Variants in CAMTA1 observed in about 807,000 individuals in gnomAD.
CAMTA1 encodes calmodulin-binding transcription activator 1.
CAMTA1 carries 27 observed loss-of-function variants against 170.9 expected under a neutral mutation model. The observed-to-expected ratio is 0.16, with a 90% CI of 0.12 to 0.22. CAMTA1 has a LOEUF of 0.22. Among genes scored for constraint, CAMTA1 ranks in the 10% least tolerant of loss-of-function variants. The pLI, the probability that CAMTA1 is intolerant of heterozygous loss-of-function variation, is 1.00. For synonymous variants in CAMTA1, 833 were observed against 891.5 expected, an observed-to-expected ratio of 0.93 and a Z score of 1.17; for missense variants, 1,619 against 2,217.2, an observed-to-expected ratio of 0.73 and a Z score of 5.42.
intron 6 of CAMTA1, among the ~76,000 whole-genome samples, chr1:7,542,838 A>AGT (rs373719721): frequency 0.065 from 3,630 of 55,976 alleles, 58 homozygotes; most frequent in Middle Eastern, 0.12. Flanking sequence ...CCTAAAACAC[A>AGT]GTGTGTGTGT....
rs1444626061 is a variant in CAMTA1 at position 7,195,031 on chromosome 1, A to G, written c.303-54460A>G. 6.6e-6 allele frequency among the ~76,000 whole-genome samples: 1 copy of G among 152,234 alleles called. No homozygotes were observed. Among genetic ancestry groups the G allele is most frequent in the East Asian group, 1.9e-4 (1 of 5,194 alleles). Reference sequence around the variant, plus strand: ...GGTAAATTGTCAAACTTCTCAGAGTAGGAAGATGTCTGCTGGCTAGGTAGA... The same window carrying G: ...GGTAAATTGTCAAACTTCTCAGAGTGGGAAGATGTCTGCTGGCTAGGTAGA... On this transcript the variant is annotated intron_variant, in intron 4 of 22. Transcript: ENST00000303635. The surrounding 1 kb of genome is among the most constrained non-coding windows in gnomAD (Gnocchi z 4.1).
rs1348547966 is a variant in CAMTA1, at chr1:7,010,232, G to A, written c.235-81072G>A. On this transcript the variant is annotated intron_variant, in intron 3 of 22. Coordinates refer to ENST00000303635, the MANE Select transcript of CAMTA1 (RefSeq NM_015215.4). This position sits in a 1 kb window ranked among gnomAD's most constrained non-coding sequence, Gnocchi z 4.4. ...CAGAGAAGACAGAGGACTTGACTGA[G>A]CTCATGGTCAGGGAGTGTCAGAACG... Among the ~76,000 whole-genome samples, 1 of 152,194 alleles carries A rather than the reference G, an allele frequency of 6.6e-6. No individual in the cohort carries two copies. Among genetic ancestry groups the A allele is most frequent in the Non-Finnish European group, 1.5e-5 (1 of 68,024 alleles).
rs556238314 is a variant in CAMTA1, at chr1:7,273,593, G to A, written c.438+23967G>A. Reference sequence around the variant, plus strand: ...AGGTGTGTGTGTCAGGTAGGGATGAGGGGTGACTGCTAATGAGTATTAGGT... The same window carrying A: ...AGGTGTGTGTGTCAGGTAGGGATGAAGGGTGACTGCTAATGAGTATTAGGT... On this transcript the variant is annotated intron_variant, in intron 5 of 22. Coordinates refer to ENST00000303635, the MANE Select transcript of CAMTA1 (RefSeq NM_015215.4). Among the ~76,000 whole-genome samples, 52 of 152,292 alleles carry A rather than the reference G, an allele frequency of 3.4e-4. 1 individual carries two copies. Among genetic ancestry groups the A allele is most frequent in the Admixed American group, 3.3e-3 (50 of 15,294 alleles).
chr1:7,757,594 G>A (rs934650652), intron 22 of CAMTA1, among the ~76,000 whole-genome samples: 12 of 151,926 alleles, frequency 7.9e-5, no homozygotes, highest in Admixed American at 2.0e-4. Flanking sequence ...TGGTCAAACC[G>A]TGTCTCTACT....
chr1:6,977,366 T>C (rs1344588077), intron 3 of CAMTA1, among the ~76,000 whole-genome samples: 1 of 151,570 alleles, frequency 6.6e-6, no homozygotes, highest in Non-Finnish European at 1.5e-5. Flanking sequence ...GGAGTCTTGC[T>C]CTGTTGCTCT....
chr1:6,986,476 GGA>G (rs1695383710), intron 3 of CAMTA1, among the ~76,000 whole-genome samples: 1 of 152,174 alleles, frequency 6.6e-6, no homozygotes, highest in African/African-American at 2.4e-5. Context: ...CCTTGTCCTA[GGA>G]GAGGATGAAC....
chr1:6,997,374 T>C (rs1697430422), intron 3 of CAMTA1, among the ~76,000 whole-genome samples: 1 of 152,162 alleles, frequency 6.6e-6, no homozygotes, highest in African/African-American at 2.4e-5. Context: ...TTACTCTGCA[T>C]TTTTTGAGGC....
chr1:7,127,211 C>T (rs943689804), intron 4 of CAMTA1, among the ~76,000 whole-genome samples: 8 of 133,836 alleles, frequency 6.0e-5, no homozygotes, highest in Non-Finnish European at 1.6e-5. Flanking sequence ...TTTCTGGGTG[C>T]TTGTGGCTCC....
At chr1:6,877,495 T>G (rs1292008420) in intron 3 of CAMTA1, among the ~76,000 whole-genome samples, 1 of 152,196 alleles carries the variant, frequency 6.6e-6, no homozygotes, top group Admixed American at 6.5e-5. Flanking sequence ...GCAACGCTAT[T>G]GCTGCACGAT....
chr1:7,214,689 T>C (rs1659434176), intron 4 of CAMTA1, among the ~76,000 whole-genome samples: 1 of 152,180 alleles, frequency 6.6e-6, no homozygotes, highest in African/African-American at 2.4e-5. Flanking sequence ...TTTCATGAAG[T>C]CTACTTTACC....
chr1:7,002,081 A>G (rs368606006), intron 3 of CAMTA1, among the ~76,000 whole-genome samples: 5 of 151,962 alleles, frequency 3.3e-5, no homozygotes, highest in African/African-American at 1.2e-4. Context: ...TATTTTTAGT[A>G]GAGATGGGGT....
chr1:7,659,343 G>C (rs980223320), intron 7 of CAMTA1, among the ~76,000 whole-genome samples: 20 of 152,156 alleles, frequency 1.3e-4, no homozygotes, highest in African/African-American at 4.8e-4. Flanking sequence ...AGACCAGCCT[G>C]GCCAATATGG....
intron 4 of CAMTA1, among the ~76,000 whole-genome samples, chr1:7,098,031 T>A (rs993643768): frequency 4.6e-5 from 7 of 152,144 alleles, no homozygotes; most frequent in African/African-American, 1.7e-4. Flanking sequence ...TAAAAAAAAA[T>A]TCCTGGAGTT....
intron 5 of CAMTA1, among the ~76,000 whole-genome samples, chr1:7,363,469 T>C (rs2085716898): frequency 6.6e-6 from 1 of 152,144 alleles, no homozygotes; most frequent in South Asian, 2.1e-4. Flanking sequence ...TTGTAGAACA[T>C]CATCTGTCAG....
intron 5 of CAMTA1, among the ~76,000 whole-genome samples, chr1:7,311,261 G>A (rs1368640078): frequency 6.6e-6 from 1 of 151,900 alleles, no homozygotes; most frequent in Non-Finnish European, 1.5e-5. Context: ...TAGGCCTTTT[G>A]GTATCATCTC....
intron 3 of CAMTA1, among the ~76,000 whole-genome samples, chr1:7,073,980 T>C (rs1638976857): frequency 6.6e-6 from 1 of 152,186 alleles, no homozygotes; most frequent in Admixed American, 6.5e-5. Flanking sequence ...TGAGATGTTA[T>C]TGGAAACTCA....
At chr1:7,152,912 C>T (rs1413002481) in intron 4 of CAMTA1, among the ~76,000 whole-genome samples, 1 of 152,210 alleles carries the variant, frequency 6.6e-6, no homozygotes, top group Non-Finnish European at 1.5e-5. Context: ...TGATAAGAAC[C>T]GTTTTGCTGT....
intron 11 of CAMTA1, among the ~76,000 whole-genome samples, chr1:7,719,364 T>C (rs1399749432): frequency 6.6e-6 from 1 of 152,248 alleles, no homozygotes; most frequent in African/African-American, 2.4e-5. Flanking sequence ...GCTGCCCTTG[T>C]AACATTTTGT....
intron 3 of CAMTA1, among the ~76,000 whole-genome samples, chr1:7,070,422 C>T (rs1163353631): frequency 2.0e-5 from 3 of 152,222 alleles, no homozygotes; most frequent in African/African-American, 7.2e-5. Context: ...TTTTTCCTCA[C>T]TTGAAAAATG....
Sources: gnomAD v4.1 joint callset for allele counts (sites outside exome capture counted in the v4.1 genomes callset) on GRCh38, gnomAD v4.1.1 for gene constraint, Gnocchi (gnomAD v3.1) non-coding constraint, MANE v1.5 for transcripts, NCBI Gene and HGNC (gene_info 2026-07-23, HGNC 2026-07-21) for gene names.